Variants in ITGB6 observed in about 807,000 individuals in gnomAD.
The protein encoded by ITGB6 is integrin beta-6.
In ITGB6, 80 loss-of-function variants were observed where a neutral mutation model predicts 84.5. The ratio of observed to expected loss-of-function variants is 0.95; its 90% CI spans 0.79 to 1.14. The LOEUF is 1.14. Among genes scored for constraint, ITGB6 ranks in the 50% most tolerant of loss-of-function variants. ITGB6 has a pLI of 0.00. For synonymous variants in ITGB6, 383 were observed against 354.9 expected (o/e 1.08, Z -0.89); for missense variants, 1,006 against 968.0 (o/e 1.04, Z -0.52).
At chr2:160,109,939 T>A (rs563153135) in intron 13 of ITGB6, among the ~76,000 whole-genome samples, 1 of 152,256 alleles carries the variant, frequency 6.6e-6, no homozygotes, top group Non-Finnish European at 1.5e-5. Flanking sequence ...GCTTTTATAC[T>A]GATTACACGT....
At chr2:160,176,481 C>G (rs1465411181) in intron 4 of ITGB6, among the ~76,000 whole-genome samples, 1 of 152,196 alleles carries the variant, frequency 6.6e-6, no homozygotes, top group Non-Finnish European at 1.5e-5. Flanking sequence ...CTTTAACTCT[C>G]AGAAGACAAC....
chr2:160,122,259 T>C (rs73010534), intron 12 of ITGB6, among the ~76,000 whole-genome samples: 163 of 152,302 alleles, frequency 1.1e-3, no homozygotes, highest in African/African-American at 3.8e-3. Flanking sequence ...TAAATGCCAC[T>C]GGAGCCCTAG....
At chr2:160,170,458 T>C (rs1685158194) in intron 6 of ITGB6, among the ~76,000 whole-genome samples, 1 of 152,236 alleles carries the variant, frequency 6.6e-6, no homozygotes, top group African/African-American at 2.4e-5. Context: ...TCCTTTACGC[T>C]GATGCCTAAA....
At chr2:160,137,990 C>T in intron 9 of ITGB6, 75 bp downstream of exon 9, 1 of 1,533,786 alleles carries the variant, frequency 6.5e-7, no homozygotes, top group East Asian at 2.3e-5. Context: ...TGAAAGAAAT[C>T]CAGCTTCAGT....
Position 160,173,998 on chromosome 2 carries a change from T to C in ITGB6, c.735A>G (p.Ala245=), listed in dbSNP as rs140101986. The C allele has an allele frequency of 1.9e-4, 314 of 1,613,736 alleles. 1 individual carries two copies. In the East Asian group the frequency reaches 6.3e-3, roughly 32 times the overall value. Residue 245 remains alanine (A), a synonymous_variant, in exon 5 of 15, where the codon GCA becomes GCG. Coordinates refer to ENST00000283249, the MANE Select transcript of ITGB6 (RefSeq NM_000888.5). ...CCTTACACACAGCAGCTTGCATAAT[T>C]GCATCAAATCCACCTTCGGGTGTGT... ...NIDTPEGGFD[A]IMQAAVCKEK...
At chr2:160,189,797 G>A (rs531348459) in intron 4 of ITGB6, among the ~76,000 whole-genome samples, 10 of 152,220 alleles carry the variant, frequency 6.6e-5, no homozygotes, top group South Asian at 4.2e-4. Context: ...TCAGTGTGGC[G>A]ATGCCTCAGG....
At chr2:160,187,747 TA>T (rs1685961689) in intron 4 of ITGB6, among the ~76,000 whole-genome samples, 1 of 152,194 alleles carries the variant, frequency 6.6e-6, no homozygotes, top group Admixed American at 6.5e-5. Context: ...CATATTACAG[TA>T]ATATGCAGTG....
At chr2:160,117,276 T>A (rs2105787872) in intron 12 of ITGB6, among the ~76,000 whole-genome samples, 1 of 152,204 alleles carries the variant, frequency 6.6e-6, no homozygotes, top group East Asian at 1.9e-4. Flanking sequence ...AAAGCACTCC[T>A]CAGCAAATGT....
intron 12 of ITGB6, among the ~76,000 whole-genome samples, chr2:160,117,070 C>G (rs370467923): frequency 6.6e-6 from 1 of 150,766 alleles, no homozygotes; most frequent in Non-Finnish European, 1.5e-5. Context: ...TAATGGGAGA[C>G]TTTAACACCC....
chr2:160,142,177 G>GA (rs1684025243), intron 7 of ITGB6, 106 bp from the exon 8 acceptor site: 1 of 655,558 alleles, frequency 1.5e-6, no homozygotes, highest in Non-Finnish European at 2.7e-6. Flanking sequence ...ACTGGCCAGG[G>GA]AAAACAGGTT....
chr2:160,178,783 C>A (rs1050191964), intron 4 of ITGB6: 1 of 150,992 alleles, frequency 6.6e-6, no homozygotes, highest in Non-Finnish European at 1.5e-5. Flanking sequence ...CTGCAACCTC[C>A]GCCACCGGGG....
intron 4 of ITGB6, among the ~76,000 whole-genome samples, chr2:160,180,257 A>G (rs1200064839): frequency 2.0e-5 from 3 of 152,114 alleles, no homozygotes; most frequent in African/African-American, 7.2e-5. Context: ...CTCTCCATCC[A>G]CTGAAAATAA....
chr2:160,134,644 C>A (rs1381493130), intron 10 of ITGB6, among the ~76,000 whole-genome samples: 4 of 152,124 alleles, frequency 2.6e-5, no homozygotes. Flanking sequence ...AACATCGGTG[C>A]AAAAATCCTC....
In ITGB6 at chr2:160,174,124, G is replaced by C. The variant is rs372264340; in HGVS notation, c.609C>G (p.Phe203Leu). The change falls in exon 5 of 15, where the codon TTC becomes TTG. Residue 203 changes from phenylalanine (F) to leucine (L), a missense_variant. Coordinates refer to ENST00000283249, the MANE Select transcript of ITGB6 (RefSeq NM_000888.5). ...IANPCSSIPY[F>L]CLPTFGFKHI... ...GCTTGAATCCAAATGTAGGTAAACA[G>C]AAGTATGGAATACTACTGCAAAAGT... The C allele has an allele frequency of 2.2e-5, 36 of 1,606,958 alleles. No homozygotes were observed. The highest frequency in any genetic ancestry group is 3.0e-5 in the Non-Finnish European group (35 of 1,178,008).
At chr2:160,190,839 C>T in intron 4 of ITGB6, among the ~76,000 whole-genome samples, 1 of 152,128 alleles carries the variant, frequency 6.6e-6, no homozygotes, top group East Asian at 1.9e-4. Context: ...TGGTAACATT[C>T]CACACTCATT....
At chr2:160,180,711 AGGAAC>A (rs945024253) in intron 4 of ITGB6, among the ~76,000 whole-genome samples, 16 of 152,366 alleles carry the variant, frequency 1.1e-4, no homozygotes, top group African/African-American at 3.8e-4. Context: ...ATGATCAAAT[AGGAAC>A]AGCTCCAGTA....
At chr2:160,182,012 A>G (rs1559212579) in intron 4 of ITGB6, among the ~76,000 whole-genome samples, 1 of 152,240 alleles carries the variant, frequency 6.6e-6, no homozygotes, top group Non-Finnish European at 1.5e-5. Context: ...TACCAAAGGT[A>G]GATAAATCCA....
chr2:160,163,222 A>G (rs1684884357), intron 7 of ITGB6, among the ~76,000 whole-genome samples: 1 of 152,214 alleles, frequency 6.6e-6, no homozygotes, highest in Admixed American at 6.5e-5. Context: ...GCAATAGGGA[A>G]GAACCCTAGA....
chr2:160,123,682 G>C (rs1276064289), intron 12 of ITGB6, 109 bp downstream of exon 12: 9 of 751,580 alleles, frequency 1.2e-5, no homozygotes, highest in Non-Finnish European at 2.1e-5. Context: ...TAATGCCCTG[G>C]TACAAATAAG....
Sources: allele counts gnomAD v4.1 joint callset (sites outside exome capture counted in the v4.1 genomes callset), GRCh38; gene constraint gnomAD v4.1.1; transcripts MANE v1.5; gene names NCBI Gene and HGNC (gene_info 2026-07-23, HGNC 2026-07-21).